The following USP25 variants were observed in gnomAD, a reference collection of about 807,000 sequenced individuals.
USP25 encodes ubiquitin specific peptidase 25.
USP25 carries 85 observed loss-of-function variants against 158.5 expected under a neutral mutation model. The observed-to-expected ratio is 0.54, with a 90% CI of 0.45 to 0.64. The LOEUF (loss-of-function observed/expected upper bound fraction) is 0.64. Among genes scored for constraint, USP25 ranks in the 30% least tolerant of loss-of-function variants. USP25 has a pLI of 0.00. For synonymous variants in USP25, 464 were observed against 460.4 expected (o/e 1.01, Z -0.10); for missense variants, 1,242 against 1,327.3 (o/e 0.94, Z 1.00).
chr21:15,808,835 A>T lies in USP25; in HGVS notation c.807A>T (p.Lys269Asn). The T allele has an allele frequency of 2.5e-6, 4 of 1,610,244 alleles. No individual in the cohort carries two copies. ...QQQDVSEFTH[K>N]LLDWLEDAFQ... ...AAGATGTGAGTGAGTTTACACACAA[A>T]TTATTAGATTGGTTAGAAGATGCCT... Residue 269 changes from lysine to asparagine, a missense_variant, in exon 8 of 26, where the codon AAA (lysine) becomes AAT (asparagine). Coordinates refer to ENST00000400183, the MANE Select transcript of USP25 (RefSeq NM_001283041.3).
chr21:15,869,094 AG>A (rs1291787339), intron 22 of USP25, among the ~76,000 whole-genome samples: 6 of 152,116 alleles, frequency 3.9e-5, no homozygotes. Context: ...AAACAGATTA[AG>A]TAATTAACTG....
intron 14 of USP25, among the ~76,000 whole-genome samples, chr21:15,830,277 A>C (rs2037732665): frequency 6.6e-6 from 1 of 152,144 alleles, no homozygotes; most frequent in South Asian, 2.1e-4. Context: ...AACAAAATTC[A>C]CTTTTATTGG....
Position 15,730,416 on chromosome 21 carries a change from T to C in USP25, c.23T>C (p.Leu8Pro). 7.4e-7 allele frequency: 1 copy of C among 1,357,480 alleles called. No individual in the cohort carries two copies. Among genetic ancestry groups the C allele is most frequent in the Non-Finnish European group, 9.6e-7 (1 of 1,046,194 alleles). 84.1% of individuals were successfully genotyped at this position (1,357,480 alleles called of 1,614,324 possible). Residue 8 changes from leucine to proline, a missense_variant, in exon 1 of 26, where the codon CTG becomes CCG. This residue lies in a region of USP25 where 627 missense variants were observed against 701.4 expected (regional missense o/e 0.89). Coordinates refer to ENST00000400183, the MANE Select transcript of USP25 (RefSeq NM_001283041.3). Reference protein sequence around the residue: MTVEQNVLQQSAAQKHQQ... With the variant: MTVEQNVPQQSAAQKHQQ... ...GCCATGACCGTGGAGCAGAACGTGC[T>C]GCAGCAGAGCGCGGCGCAGAAGGTG...
Position 15,765,979 on chromosome 21 carries a change from CT to C in USP25, c.124-15del. ...AATTATTTCAAAACACTTGATACTCCTTTCTTGATATTTGAAGGATAGTAAT... is the reference window on the plus strand; with the variant it reads ...AATTATTTCAAAACACTTGATACTCCTTCTTGATATTTGAAGGATAGTAAT... On this transcript the variant is annotated splice_polypyrimidine_tract_variant and intron_variant, in intron 2 of 25. Coordinates refer to ENST00000400183, the MANE Select transcript of USP25 (RefSeq NM_001283041.3). 1 of 1,593,690 alleles carries C rather than the reference CT, an allele frequency of 6.3e-7. No homozygotes were observed.
intron 20 of USP25, among the ~76,000 whole-genome samples, chr21:15,863,765 C>T (rs1218530432): frequency 4.0e-5 from 6 of 150,880 alleles, no homozygotes; most frequent in Non-Finnish European, 7.4e-5. Flanking sequence ...TGGCCAGGCA[C>T]GTGGCTCACG....
chr21:15,772,772 ATTTTATTTTCTTTTACTGGTC>A (rs904677178), intron 3 of USP25, among the ~76,000 whole-genome samples: 4 of 152,190 alleles, frequency 2.6e-5, no homozygotes, highest in African/African-American at 9.7e-5. Context: ...TTGAAATAAC[ATTTTATTTTCTTTTACTGGTC>A]TTAAAATCAT....
chr21:15,809,010 G>T (rs2036528044), intron 8 of USP25, 125 bp downstream of exon 8: 1 of 655,014 alleles, frequency 1.5e-6, no homozygotes, highest in Admixed American at 3.8e-5. Context: ...CTGTATTATT[G>T]ACAAGCTGTT....
intron 17 of USP25, among the ~76,000 whole-genome samples, chr21:15,835,589 C>T (rs1463461024): frequency 1.3e-5 from 2 of 151,992 alleles, no homozygotes; most frequent in African/African-American, 2.4e-5. Context: ...TCTGTTTTTA[C>T]CATGCAAAAT....
At chr21:15,827,768 G>GTA (rs1307084152) in intron 14 of USP25, among the ~76,000 whole-genome samples, 1 of 64,150 alleles carries the variant, frequency 1.6e-5, no homozygotes, top group Non-Finnish European at 2.4e-5. Flanking sequence ...GCGTGTGCGT[G>GTA]TGTGTGTGTG....
intron 6 of USP25, among the ~76,000 whole-genome samples, chr21:15,800,330 G>C (rs1482244274): frequency 6.6e-6 from 1 of 151,238 alleles, no homozygotes; most frequent in Non-Finnish European, 1.5e-5. Context: ...GGGCCAGATT[G>C]CGTGGGTTCT....
chr21:15,796,834 C>G (rs777606647), intron 5 of USP25, among the ~76,000 whole-genome samples: 5 of 151,150 alleles, frequency 3.3e-5, no homozygotes, highest in Non-Finnish European at 7.4e-5. Context: ...TGTGTGAAAA[C>G]TAACACAAAA....
intron 17 of USP25, 133 bp from the exon 18 acceptor site, chr21:15,842,265 A>G (rs1027137491): frequency 2.2e-6 from 2 of 918,364 alleles, no homozygotes; most frequent in Non-Finnish European, 3.1e-6. Flanking sequence ...ACGTGGAAAG[A>G]TATATTTTAC....
At chr21:15,735,199 T>G (rs983662148) in intron 1 of USP25, among the ~76,000 whole-genome samples, 4 of 152,202 alleles carry the variant, frequency 2.6e-5, no homozygotes, top group African/African-American at 9.6e-5. Flanking sequence ...TTTAATATAA[T>G]AAATTTAAAC....
chr21:15,869,291 G>A (rs1241114002), intron 22 of USP25, among the ~76,000 whole-genome samples: 1 of 147,426 alleles, frequency 6.8e-6, no homozygotes, highest in East Asian at 2.0e-4. Flanking sequence ...AATATCGTTG[G>A]CTAATAACTA....
At chr21:15,824,722 T>C (rs1209018139) in intron 11 of USP25, among the ~76,000 whole-genome samples, 1 of 152,240 alleles carries the variant, frequency 6.6e-6, no homozygotes, top group African/African-American at 2.4e-5. Flanking sequence ...GTTCAAATGA[T>C]TCTCCTGTCT....
chr21:15,862,442 A>G (rs570996387), intron 20 of USP25, among the ~76,000 whole-genome samples: 1 of 152,156 alleles, frequency 6.6e-6, no homozygotes, highest in African/African-American at 2.4e-5. Flanking sequence ...GGGATACTCA[A>G]CCTGTAGCCT....
In USP25 at chr21:15,730,378, C is replaced by T; in HGVS notation, c.-16C>T. The T allele has an allele frequency of 8.1e-7, 1 of 1,237,750 alleles. No homozygotes were observed. The highest frequency in any genetic ancestry group is 3.4e-5 in the East Asian group (1 of 29,224). The allele number at this position is 1,237,750 out of a possible 1,614,324, so 76.7% of individuals were successfully genotyped here. On this transcript the variant is annotated 5_prime_UTR_variant, in exon 1 of 26. Transcript: ENST00000400183. ...CGGGCGCCACCGCCGCCGCCGCCGC[C>T]GCCGCCGCGGGGGCCATGACCGTGG...
At position 15,762,137 on chromosome 21, in the gene USP25, A is replaced by T. The variant is rs553633705; in HGVS notation, c.46-754A>T. 9.2e-5 allele frequency among the ~76,000 whole-genome samples: 14 copies of T among 152,048 alleles called. No homozygotes were observed. The East Asian group carries it at 2.3e-3, about 25-fold the overall frequency. ...AATGTGAAACATCTTTTTAAAAAAG[A>T]TTTCAATAGATCCTATTCTATTGAC... On this transcript the variant is annotated intron_variant, in intron 1 of 25. Transcript: ENST00000400183.
chr21:15,775,745 C>A (rs1418803097), intron 3 of USP25, among the ~76,000 whole-genome samples: 2 of 63,250 alleles, frequency 3.2e-5, no homozygotes, highest in Non-Finnish European at 7.6e-5. Context: ...TGCCACCCCC[C>A]CCCCCCCCCG....
Sources: allele counts gnomAD v4.1 joint callset (sites outside exome capture counted in the v4.1 genomes callset), GRCh38; gene constraint gnomAD v4.1.1; regional missense constraint gnomAD v4.1.1; transcripts MANE v1.5; gene names NCBI Gene and HGNC (gene_info 2026-07-23, HGNC 2026-07-21).